Variants in OR5K1 observed in about 807,000 individuals in gnomAD.
OR5K1 encodes the protein olfactory receptor 5K1.
In OR5K1, 7 loss-of-function variants were observed where a neutral mutation model predicts 10.4. That is an observed-to-expected ratio of 0.67 (90% CI 0.38 to 1.26). The LOEUF is 1.26. OR5K1 is among the 50% of genes most tolerant of loss of function. The pLI is 0.02. For missense variants in OR5K1, 435 were observed against 366.2 expected (o/e 1.19, Z -1.53); for synonymous variants, 135 against 128.5 (o/e 1.05, Z -0.34).
At position 98,469,901 on chromosome 3, in the gene OR5K1, A is replaced by T. The variant is rs747266884; in HGVS notation, c.325A>T (p.Thr109Ser). ...GTTTTATTTTCTTTGCACTGTGGAA[A>T]CTGCAGACTGCTTTCTTCTGGCAGC... ...VQFYFLCTVE[T>S]ADCFLLAAMA... The change falls in exon 2 of 2, where the codon ACT becomes TCT. Residue 109 changes from threonine to serine, a missense_variant. Coordinates refer to ENST00000642057, the MANE Select transcript of OR5K1 (RefSeq NM_001004736.4). 5 of 1,613,696 alleles carry T rather than the reference A, an allele frequency of 3.1e-6. 1 individual carries two copies. The South Asian group carries it at 5.5e-5, about 18-fold the overall frequency.
chr3:98,472,215 C>A lies in OR5K1; in HGVS notation c.*1712C>A, dbSNP rs993761390. 1.4e-5 allele frequency: 2 copies of A among 145,230 alleles called. No homozygotes were observed. Among genetic ancestry groups the A allele is most frequent in the African/African-American group, 2.6e-5 (1 of 38,184 alleles). 9.0% of individuals were successfully genotyped at this position (145,230 alleles called of 1,614,324 possible). A position where few individuals can be genotyped will look rare whatever the true frequency, so the allele number is the denominator to read the frequency against. On this transcript the variant is annotated 3_prime_UTR_variant, in exon 2 of 2. Coordinates refer to ENST00000642057, the MANE Select transcript of OR5K1 (RefSeq NM_001004736.4). ...CAGCTAAAATGTCTATTTATCCAAC[C>A]CACAAGGCTTTGGGTTGGCTGGCTC... is the stretch of plus-strand genomic sequence containing the variant.
rs1435469877 is a variant in OR5K1, at chr3:98,470,326, A to T, written c.750A>T (p.Leu250Phe). Residue 250 changes from leucine (L) to phenylalanine (F), a missense_variant, in exon 2 of 2, where the codon TTA becomes TTT. Transcript: ENST00000642057. ...TCASHFLSVS[L>F]FYGSLFFMYV... Reference sequence around the variant, plus strand: ...CATCCCACTTTTTGTCAGTTTCATTATTCTATGGATCTCTTTTCTTCATGT... The same window carrying T: ...CATCCCACTTTTTGTCAGTTTCATTTTTCTATGGATCTCTTTTCTTCATGT... 6.2e-7 allele frequency: 1 copy of T among 1,613,332 alleles called. No homozygotes were observed. The highest frequency in any genetic ancestry group is 2.2e-5 in the East Asian group (1 of 44,836).
intron 1 of OR5K1, among the ~76,000 whole-genome samples, chr3:98,464,294 A>T (rs1261572417): frequency 5.3e-5 from 8 of 152,106 alleles, no homozygotes; most frequent in African/African-American, 1.9e-4. Context: ...ATACACACCA[A>T]CTTCAAGTAA....
chr3:98,470,334 G>A lies in OR5K1; in HGVS notation c.758G>A (p.Gly253Glu). The A allele has an allele frequency of 6.2e-7, 1 of 1,613,206 alleles. No homozygotes were observed. Among genetic ancestry groups the A allele is most frequent in the Non-Finnish European group, 8.5e-7 (1 of 1,179,552 alleles). The change falls in exon 2 of 2, where the codon GGA becomes GAA. Residue 253 changes from glycine (G) to glutamate (E), a missense_variant. Coordinates refer to ENST00000642057, the MANE Select transcript of OR5K1 (RefSeq NM_001004736.4). ...TTTTTGTCAGTTTCATTATTCTATG[G>A]ATCTCTTTTCTTCATGTACGTTAGA... The part of the protein sequence containing the change: ...SHFLSVSLFY[G>E]SLFFMYVRPN...
At position 98,469,696 on chromosome 3, in the gene OR5K1, G is replaced by A. The variant is rs752550870; in HGVS notation, c.120G>A (p.Val40=). The change falls in exon 2 of 2, where the codon GTG becomes GTA. Residue 40 remains valine (V), a synonymous_variant. Coordinates refer to ENST00000642057, the MANE Select transcript of OR5K1 (RefSeq NM_001004736.4). ...VFFAIYLITV[V]GNISLVALIF... ...TTGCCATCTATCTGATCACCGTGGTGGGGAATATTAGTTTGGTGGCACTGA... is the reference window on the plus strand; with the variant it reads ...TTGCCATCTATCTGATCACCGTGGTAGGGAATATTAGTTTGGTGGCACTGA... 4.6e-5 allele frequency: 75 copies of A among 1,613,732 alleles called. 2 individuals are homozygous for A. The South Asian group carries it at 7.2e-4, about 16-fold the overall frequency.
In OR5K1 at chr3:98,470,240, C is replaced by T. The variant is rs1484161224; in HGVS notation, c.664C>T (p.Leu222Phe). 2 of 1,612,776 alleles carry T rather than the reference C, an allele frequency of 1.2e-6. No individual in the cohort carries two copies. Among genetic ancestry groups the T allele is most frequent in the East Asian group, 4.5e-5 (2 of 44,502 alleles). The change falls in exon 2 of 2, where the codon CTT becomes TTT. Residue 222 changes from leucine (L) to phenylalanine (F), a missense_variant. Coordinates refer to ENST00000642057, the MANE Select transcript of OR5K1 (RefSeq NM_001004736.4). ...GSVLISYLYI[L>F]LTIFKMKSKE... is the part of the protein sequence containing the mutation. Reference sequence around the variant, plus strand: ...TGTCTTAATATCTTATCTCTATATTCTTCTTACTATTTTCAAAATGAAATC... The same window carrying T: ...TGTCTTAATATCTTATCTCTATATTTTTCTTACTATTTTCAAAATGAAATC...
rs745449878 is a variant in OR5K1, at chr3:98,469,722, T to C, written c.146T>C (p.Ile49Thr). Reference sequence around the variant, plus strand: ...GGGAATATTAGTTTGGTGGCACTGATATTTACACACCGTCGGCTTCACACA... The same window carrying C: ...GGGAATATTAGTTTGGTGGCACTGACATTTACACACCGTCGGCTTCACACA... Reference protein sequence around the residue: ...VVGNISLVALIFTHRRLHTPM... With the variant: ...VVGNISLVALTFTHRRLHTPM... Residue 49 changes from isoleucine to threonine, a missense_variant, in exon 2 of 2, where the codon ATA becomes ACA. Ile to Thr is a moderately conservative substitution (Grantham distance 89, BLOSUM62 -1). Coordinates refer to ENST00000642057, the MANE Select transcript of OR5K1 (RefSeq NM_001004736.4). 1.7e-5 allele frequency: 28 copies of C among 1,613,830 alleles called. No homozygotes were observed. In the South Asian group the frequency reaches 2.9e-4, roughly 16 times the overall value.
At position 98,470,185 on chromosome 3, in the gene OR5K1, A is replaced by G. The variant is rs775044859; in HGVS notation, c.609A>G (p.Ser203=). ...ATGAACTGGTTCTATTCATCTTCTC[A>G]GGTTCAGTTCAAGTCTTTACCATAG... ...YINELVLFIF[S]GSVQVFTIGS... Residue 203 remains serine (S), a synonymous_variant, in exon 2 of 2, where the codon TCA becomes TCG. Transcript: ENST00000642057. The G allele has an allele frequency of 6.2e-7, 1 of 1,613,252 alleles. No individual in the cohort carries two copies. The highest frequency in any genetic ancestry group is 1.1e-5 in the South Asian group (1 of 91,050).
rs571113162 is a variant in OR5K1, at chr3:98,470,297, T to A, written c.721T>A (p.Cys241Ser). 6.2e-7 allele frequency: 1 copy of A among 1,613,368 alleles called. No homozygotes were observed. Among genetic ancestry groups the A allele is most frequent in the South Asian group, 1.1e-5 (1 of 91,048 alleles). Residue 241 changes from cysteine to serine, a missense_variant, in exon 2 of 2, where the codon TGT becomes AGT. Coordinates refer to ENST00000642057, the MANE Select transcript of OR5K1 (RefSeq NM_001004736.4). ...KEGRAKAFST[C>S]ASHFLSVSLF... ...GGGAAGGGCCAAAGCTTTTTCTACCTGTGCATCCCACTTTTTGTCAGTTTC... is the reference window on the plus strand; with the variant it reads ...GGGAAGGGCCAAAGCTTTTTCTACCAGTGCATCCCACTTTTTGTCAGTTTC...
Position 98,470,160 on chromosome 3 carries a change from A to T in OR5K1, c.584A>T (p.Asn195Ile). 1 of 1,613,450 alleles carries T rather than the reference A, an allele frequency of 6.2e-7. No homozygotes were observed. The highest frequency in any genetic ancestry group is 8.5e-7 in the Non-Finnish European group (1 of 1,179,596). Residue 195 changes from asparagine to isoleucine, a missense_variant, in exon 2 of 2, where the codon AAT becomes ATT. Transcript: ENST00000642057. ...YRLSCVDPYI[N>I]ELVLFIFSGS... The stretch of plus-strand genomic sequence containing the variant: ...CTCTCTTGTGTTGATCCTTATATCA[A>T]TGAACTGGTTCTATTCATCTTCTCA...
rs1050322645 is a variant in OR5K1 at position 98,471,036 on chromosome 3, G to C, written c.*533G>C. On this transcript the variant is annotated 3_prime_UTR_variant, in exon 2 of 2. Transcript: ENST00000642057. ...ATAGCATTATGGGGACATTACTGTA[G>C]TTAGAAAGGAAGTATTAGGAAAACG... The C allele has an allele frequency of 2.6e-5, 4 of 152,084 alleles. No individual in the cohort carries two copies. Among genetic ancestry groups the C allele is most frequent in the Non-Finnish European group, 5.9e-5 (4 of 68,016 alleles). The allele number at this position is 152,084 out of a possible 1,614,324, so 9.4% of individuals were successfully genotyped here. A position where few individuals can be genotyped will look rare whatever the true frequency, so the allele number is the denominator to read the frequency against.
chr3:98,469,849 G>C lies in OR5K1; in HGVS notation c.273G>C (p.Arg91Ser), dbSNP rs1388075707. Reference sequence around the variant, plus strand: ...AGAACTTCTTTTCTGAGAACAAAAGGATTTCCCTCTATGAATGTGCAGTAC... The same window carrying C: ...AGAACTTCTTTTCTGAGAACAAAAGCATTTCCCTCTATGAATGTGCAGTAC... ...MLENFFSENKRISLYECAVQF... is the reference protein window; with the variant it reads ...MLENFFSENKSISLYECAVQF... Residue 91 changes from arginine to serine, a missense_variant, in exon 2 of 2, where the codon AGG becomes AGC. Transcript: ENST00000642057. The C allele has an allele frequency of 6.2e-7, 1 of 1,613,612 alleles. No homozygotes were observed. The highest frequency in any genetic ancestry group is 1.7e-5 in the Admixed American group (1 of 59,900).
intron 1 of OR5K1, among the ~76,000 whole-genome samples, chr3:98,464,981 T>A (rs374573613): frequency 2.6e-5 from 4 of 152,176 alleles, no homozygotes; most frequent in Admixed American, 2.6e-4. Context: ...CTTAATCAAG[T>A]TATAAAACAC....
chr3:98,466,707 G>A (rs1319513954), intron 1 of OR5K1, among the ~76,000 whole-genome samples: 1 of 127,642 alleles, frequency 7.8e-6, no homozygotes, highest in Non-Finnish European at 1.6e-5. Flanking sequence ...CTTTTGAGAA[G>A]TGTCTGTTCA....
rs191790594 is a variant in OR5K1, at chr3:98,468,270, T to C, written c.-11-1296T>C. Reference sequence around the variant, plus strand: ...GTGTACACTCCAGCAGTATTGGAGATAGTTAATTACTAAGAATATACAACT... The same window carrying C: ...GTGTACACTCCAGCAGTATTGGAGACAGTTAATTACTAAGAATATACAACT... On this transcript the variant is annotated intron_variant, in intron 1 of 1. Transcript: ENST00000642057. Among the ~76,000 whole-genome samples the C allele has an allele frequency of 2.1e-3, 325 of 152,268 alleles. 2 individuals are homozygous for C. Among genetic ancestry groups the C allele is most frequent in the African/African-American group, 7.4e-3 (308 of 41,576 alleles).
chr3:98,469,455 C>T lies in OR5K1; in HGVS notation c.-11-111C>T, dbSNP rs1045540628. 5.8e-6 allele frequency: 6 copies of T among 1,026,904 alleles called. No homozygotes were observed. In the African/African-American group the frequency reaches 9.7e-5, roughly 17 times the overall value. The allele number at this position is 1,026,904 out of a possible 1,614,324, so 63.6% of individuals were successfully genotyped here. A position where few individuals can be genotyped will look rare whatever the true frequency, so the allele number is the denominator to read the frequency against. On this transcript the variant is annotated intron_variant, in intron 1 of 1. Transcript: ENST00000642057. ...AATGGGGCATGCACCAAAGTCCAGG[C>T]AACATGAGGAAACATTGTGGAAGAT... is the stretch of plus-strand genomic sequence containing the variant.
In OR5K1 at chr3:98,463,288, T is replaced by C. The variant is rs1705334163; in HGVS notation, c.-31T>C. 1 of 152,206 alleles carries C rather than the reference T, an allele frequency of 6.6e-6. No individual in the cohort carries two copies. The allele number at this position is 152,206 out of a possible 1,614,324, so 9.4% of individuals were successfully genotyped here. A position where few individuals can be genotyped will look rare whatever the true frequency, so the allele number is the denominator to read the frequency against. The stretch of plus-strand genomic sequence containing the variant: ...GGCAACCTACTGGCCCCTTTAAAAC[T>C]CTTACCAGGGAAAATTCAGGTGAGA... On this transcript the variant is annotated 5_prime_UTR_variant, in exon 1 of 2. Transcript: ENST00000642057.
chr3:98,469,507 C>A (rs761286387), intron 1 of OR5K1, 59 bp from the exon 2 acceptor site: 8 of 1,483,958 alleles, frequency 5.4e-6, no homozygotes, highest in Non-Finnish European at 7.3e-6. Flanking sequence ...GCCAAAGAGA[C>A]CTAAATAACT....
At chr3:98,467,169 T>G (rs1705384927) in intron 1 of OR5K1, among the ~76,000 whole-genome samples, 1 of 100,006 alleles carries the variant, frequency 1.0e-5, no homozygotes, top group Non-Finnish European at 2.0e-5. Flanking sequence ...CCTTTCCCCA[T>G]TGCTTGTTTT....
Sources: gnomAD v4.1 joint callset for allele counts (sites outside exome capture counted in the v4.1 genomes callset) on GRCh38, gnomAD v4.1.1 for gene constraint, MANE v1.5 for transcripts, NCBI Gene and HGNC (gene_info 2026-07-23, HGNC 2026-07-21) for gene names.